Variants in SLC12A8 observed in about 807,000 individuals in gnomAD.
The protein encoded by SLC12A8 is solute carrier family 12 member 8.
Under a neutral mutation model 75.6 loss-of-function variants are expected in SLC12A8, and 69 were observed. The ratio of observed to expected loss-of-function variants is 0.91; its 90% confidence interval spans 0.75 to 1.11. The LOEUF (loss-of-function observed/expected upper bound fraction) is 1.11. SLC12A8 is among the 50% of genes most tolerant of loss of function. The pLI is 0.00. For synonymous variants in SLC12A8, 365 were observed against 372.8 expected, an observed-to-expected ratio of 0.98 and a Z score of 0.24; for missense variants, 877 against 896.7, an observed-to-expected ratio of 0.98 and a Z score of 0.28.
chr3:125,196,746 T>A (rs1349726539), intron 2 of SLC12A8, among the ~76,000 whole-genome samples: 3 of 152,084 alleles, frequency 2.0e-5, no homozygotes, highest in Non-Finnish European at 2.9e-5. Flanking sequence ...CTGAGCAACA[T>A]AATGAGACCA....
At chr3:125,197,081 C>G (rs145583866) in intron 2 of SLC12A8, among the ~76,000 whole-genome samples, 1 of 152,122 alleles carries the variant, frequency 6.6e-6, no homozygotes, top group East Asian at 1.9e-4. Flanking sequence ...AGAGAACGTA[C>G]AAAATGAGTC....
At chr3:125,095,941 ACT>A (rs1238891356) in intron 10 of SLC12A8, among the ~76,000 whole-genome samples, 1 of 152,154 alleles carries the variant, frequency 6.6e-6, no homozygotes, top group Non-Finnish European at 1.5e-5. Context: ...TTAAAGACTG[ACT>A]CTGGTCACAT....
chr3:125,115,720 C>T (rs1170657245), intron 8 of SLC12A8, among the ~76,000 whole-genome samples: 1 of 151,994 alleles, frequency 6.6e-6, no homozygotes, highest in Admixed American at 6.5e-5. Context: ...TGGCAGAAAG[C>T]CCCCGAGAGA....
At chr3:125,138,560 T>C (rs1933549111) in intron 5 of SLC12A8, among the ~76,000 whole-genome samples, 1 of 2,418 alleles carries the variant, frequency 4.1e-4, no homozygotes, top group African/African-American at 6.6e-4. Flanking sequence ...GAAAACTGGA[T>C]GCCATAGTAT....
At chr3:125,201,711 A>G (rs1935124625) in intron 2 of SLC12A8, among the ~76,000 whole-genome samples, 1 of 151,800 alleles carries the variant, frequency 6.6e-6, no homozygotes, top group East Asian at 1.9e-4. Context: ...TGAAAAAAAA[A>G]AAAAAAAAAA....
intron 4 of SLC12A8, among the ~76,000 whole-genome samples, chr3:125,182,103 T>C (rs1258237624): frequency 2.6e-5 from 4 of 152,150 alleles, no homozygotes; most frequent in Non-Finnish European, 4.4e-5. Context: ...AGTGGGAGGA[T>C]TGCTTAAGCC....
At chr3:125,193,369 CA>C (rs1187898345) in intron 2 of SLC12A8, among the ~76,000 whole-genome samples, 3 of 150,956 alleles carry the variant, frequency 2.0e-5, no homozygotes, top group African/African-American at 4.9e-5. Context: ...GACCCTGTCT[CA>C]AAAAAAAAGA....
At chr3:125,085,901 AT>A (rs201459837) in intron 13 of SLC12A8, among the ~76,000 whole-genome samples, 5 of 131,770 alleles carry the variant, frequency 3.8e-5, no homozygotes, top group South Asian at 2.4e-4. Flanking sequence ...ATAAATCACC[AT>A]TTTTTTTTCT....
At chr3:125,103,891 C>T (rs1264970483) in intron 10 of SLC12A8, among the ~76,000 whole-genome samples, 1 of 152,012 alleles carries the variant, frequency 6.6e-6, no homozygotes, top group Non-Finnish European at 1.5e-5. Flanking sequence ...GTCTCAGCCT[C>T]CCAAAGTGCT....
chr3:125,194,507 C>T (rs930020504), intron 2 of SLC12A8, among the ~76,000 whole-genome samples: 2 of 152,186 alleles, frequency 1.3e-5, no homozygotes, highest in African/African-American at 4.8e-5. Context: ...TACTCTCAAT[C>T]CTGCATCCAG....
chr3:125,091,418 CA>C lies in SLC12A8; in HGVS notation c.1921+20del. 1 of 1,556,626 alleles carries C rather than the reference CA, an allele frequency of 6.4e-7. No individual in the cohort carries two copies. Among genetic ancestry groups the C allele is most frequent in the Non-Finnish European group, 8.9e-7 (1 of 1,127,820 alleles). ...GTAGAGAGAATGAGGGAACCAGTGG[CA>C]AAATGGCTCTGCTGCTTACCAAGGT... On this transcript the variant is annotated intron_variant, in intron 12 of 13. Transcript: ENST00000469902.
At chr3:125,155,382 G>A (rs1215950070) in intron 5 of SLC12A8, among the ~76,000 whole-genome samples, 1 of 151,992 alleles carries the variant, frequency 6.6e-6, no homozygotes, top group Non-Finnish European at 1.5e-5. Flanking sequence ...TAATTTCGGC[G>A]AGGCTGTTTG....
In SLC12A8 at chr3:125,108,000, C is replaced by A. The variant is rs753657542; in HGVS notation, c.1186G>T (p.Val396Phe). ...GAGAAGTAAGAGTAGTCCACTGCAA[C>A]GTATGTCAGCATGAAGTTGATGGTG... Reference protein sequence around the residue: ...IVTINFMLTYVAVDYSYFSLS... With the variant: ...IVTINFMLTYFAVDYSYFSLS... Residue 396 changes from valine (V) to phenylalanine (F), a missense_variant, in exon 10 of 14, where the codon GTT becomes TTT. Transcript: ENST00000469902. 1.2e-6 allele frequency: 2 copies of A among 1,614,142 alleles called. No individual in the cohort carries two copies. The highest frequency in any genetic ancestry group is 4.5e-5 in the East Asian group (2 of 44,892).
rs2107727032 is a variant in SLC12A8 at position 125,083,927 on chromosome 3, G to C, written c.2108C>G (p.Ser703Cys). 6.2e-7 allele frequency: 1 copy of C among 1,613,530 alleles called. No individual in the cohort carries two copies. Among genetic ancestry groups the C allele is most frequent in the Admixed American group, 1.7e-5 (1 of 59,956 alleles). ...FATRDRYHHS[S>C]LVNREQLMPH... Reference sequence around the variant, plus strand: ...CATCAGCTGCTCCCGGTTCACGAGGGAGGAGTGGTGGTAGCGATCCCGAGT... The same window carrying C: ...CATCAGCTGCTCCCGGTTCACGAGGCAGGAGTGGTGGTAGCGATCCCGAGT... The change falls in exon 14 of 14, where the codon TCC becomes TGC. Residue 703 changes from serine (S) to cysteine (C), a missense_variant. Coordinates refer to ENST00000469902, the MANE Select transcript of SLC12A8 (RefSeq NM_024628.6).
chr3:125,084,566 G>A (rs2948817), intron 13 of SLC12A8, among the ~76,000 whole-genome samples: 92,768 of 152,014 alleles, frequency 0.61, 29,395 homozygotes, highest in African/African-American at 0.78. Flanking sequence ...GGTGGCCTCA[G>A]GTGAAGAGCA....
At chr3:125,123,371 GAAAAAAA>G (rs34868769) in intron 6 of SLC12A8, among the ~76,000 whole-genome samples, 2 of 103,948 alleles carry the variant, frequency 1.9e-5, no homozygotes, top group Non-Finnish European at 3.8e-5. Flanking sequence ...TCCATCTCAG[GAAAAAAA>G]AAAAAAAAAA....
intron 10 of SLC12A8, among the ~76,000 whole-genome samples, chr3:125,099,336 C>CA (rs1190829684): frequency 1.3e-5 from 2 of 152,186 alleles, no homozygotes; most frequent in African/African-American, 4.8e-5. Context: ...ACCAAAAACT[C>CA]AGAAATATAT....
intron 5 of SLC12A8, among the ~76,000 whole-genome samples, chr3:125,143,751 C>T (rs1933704090): frequency 6.6e-6 from 1 of 152,152 alleles, no homozygotes; most frequent in Non-Finnish European, 1.5e-5. Context: ...GAAGGACCCC[C>T]AGGGCTGGGC....
intron 5 of SLC12A8, among the ~76,000 whole-genome samples, chr3:125,168,134 C>T (rs1048372056): frequency 1.3e-5 from 2 of 152,136 alleles, no homozygotes; most frequent in African/African-American, 2.4e-5. Context: ...ATCTAAATGG[C>T]CCACAGAGGA....
Sources: allele counts gnomAD v4.1 joint callset (sites outside exome capture counted in the v4.1 genomes callset), GRCh38; gene constraint gnomAD v4.1.1; transcripts MANE v1.5; gene names NCBI Gene and HGNC (gene_info 2026-07-23, HGNC 2026-07-21).